The following PCMTD2 variants were observed in gnomAD, a reference collection of about 807,000 sequenced individuals.
PCMTD2 encodes the protein protein-L-isoaspartate (D-aspartate) O-methyltransferase domain containing 2, also known as protein-L-isoaspartate O-methyltransferase domain-containing protein 2.
Under a neutral mutation model 33.4 loss-of-function variants are expected in PCMTD2, and 16 were observed. The observed-to-expected ratio is 0.48, with a 90% confidence interval of 0.32 to 0.73. The LOEUF (loss-of-function observed/expected upper bound fraction) is 0.73, where lower values mean the gene tolerates loss of function less well. Ranked by LOEUF, PCMTD2 falls within the 30% of genes least tolerant of loss-of-function variation. The probability of loss-of-function intolerance (pLI) is 0.03; values close to 1 mark genes in which losing one functional copy is unlikely to be tolerated. For synonymous variants in PCMTD2, 161 were observed against 160.8 expected, an observed-to-expected ratio of 1.00 and a Z score of -0.01; for missense variants, 374 against 449.9, an observed-to-expected ratio of 0.83 and a Z score of 1.53.
At position 64,267,990 on chromosome 20, in the gene PCMTD2, A is replaced by C; in HGVS notation, c.686A>C (p.Lys229Thr). ...LIQPCHSESG[K>T]SRLVQLPPVA... Reference sequence around the variant, plus strand: ...CAGCCCTGCCATTCAGAGTCAGGAAAATCAAGACTTGTCCAGTTACGTAAG... The same window carrying C: ...CAGCCCTGCCATTCAGAGTCAGGAACATCAAGACTTGTCCAGTTACGTAAG... Residue 229 changes from lysine to threonine, a missense_variant, in exon 5 of 6, where the codon AAA becomes ACA. Transcript: ENST00000308824. 1 of 1,612,990 alleles carries C rather than the reference A, an allele frequency of 6.2e-7. No individual in the cohort carries two copies. The highest frequency in any genetic ancestry group is 8.5e-7 in the Non-Finnish European group (1 of 1,179,100).
At chr20:64,266,660 A>G (rs773751535) in intron 4 of PCMTD2, among the ~76,000 whole-genome samples, 7 of 152,246 alleles carry the variant, frequency 4.6e-5, no homozygotes, top group Non-Finnish European at 1.0e-4. Context: ...AGTTGTTGGC[A>G]TGAGCCATCA....
chr20:64,274,296 A>AG lies in PCMTD2; in HGVS notation c.*699dup, dbSNP rs1986029340. The AG allele has an allele frequency of 7.3e-6, 1 of 136,636 alleles. No homozygotes were observed. Among genetic ancestry groups the AG allele is most frequent in the African/African-American group, 2.9e-5 (1 of 33,958 alleles). 8.5% of individuals were successfully genotyped at this position (136,636 alleles called of 1,614,324 possible). A position where few individuals can be genotyped will look rare whatever the true frequency, so the allele number is the denominator to read the frequency against. ...CTGGAATTCCGAGAGAATTCCAAAGAGGGTTTTTTTTTTTTTTTTTAGGAC... is the reference window on the plus strand; with the variant it reads ...CTGGAATTCCGAGAGAATTCCAAAGAGGGGTTTTTTTTTTTTTTTTTAGGAC... On this transcript the variant is annotated 3_prime_UTR_variant, in exon 6 of 6. Coordinates refer to ENST00000308824, the MANE Select transcript of PCMTD2 (RefSeq NM_018257.3).
At position 64,274,746 on chromosome 20, in the gene PCMTD2, C is replaced by G. The variant is rs1170105479; in HGVS notation, c.*1146C>G. On this transcript the variant is annotated 3_prime_UTR_variant, in exon 6 of 6. Transcript: ENST00000308824. ...AACTCACACTGACTTGTGATATCAG[C>G]CTTCTCTGGGCCTTGTGTGTGGAGA... The G allele has an allele frequency of 6.6e-6, 1 of 152,178 alleles. No homozygotes were observed. The highest frequency in any genetic ancestry group is 6.5e-5 in the Admixed American group (1 of 15,286). The allele number at this position is 152,178 out of a possible 1,614,324, so 9.4% of individuals were successfully genotyped here.
chr20:64,273,536 A>G lies in PCMTD2; in HGVS notation c.1022A>G (p.Lys341Arg). 1.3e-6 allele frequency: 2 copies of G among 1,571,336 alleles called. No homozygotes were observed. Among genetic ancestry groups the G allele is most frequent in the East Asian group, 2.2e-5 (1 of 44,732 alleles). Residue 341 changes from lysine to arginine, a missense_variant, in exon 6 of 6, where the codon AAG becomes AGG. Coordinates refer to ENST00000308824, the MANE Select transcript of PCMTD2 (RefSeq NM_018257.3). ...PDPPVNFLRQ[K>R]VLSLPLPDPL... The stretch of plus-strand genomic sequence containing the variant: ...CCCCCAGTGAACTTCCTACGCCAGA[A>G]GGTCCTGAGCCTCCCTCTGCCAGAT...
Position 64,267,993 on chromosome 20 carries a change from C to G in PCMTD2, c.689C>G (p.Ser230Ter). 1.2e-6 allele frequency: 2 copies of G among 1,612,488 alleles called. No individual in the cohort carries two copies. Among genetic ancestry groups the G allele is most frequent in the Non-Finnish European group, 1.7e-6 (2 of 1,178,660 alleles). Residue 230 changes from serine (S) to a stop codon, truncating the protein, a stop_gained, in exon 5 of 6, where the codon TCA becomes TGA. Transcript: ENST00000308824. LOFTEE classifies it high-confidence loss of function. ...CCCTGCCATTCAGAGTCAGGAAAATCAAGACTTGTCCAGTTACGTAAGTAT... is the reference window on the plus strand; with the variant it reads ...CCCTGCCATTCAGAGTCAGGAAAATGAAGACTTGTCCAGTTACGTAAGTAT... The part of the protein sequence containing the change: ...IQPCHSESGK[S>*]RLVQLPPVAV...
chr20:64,259,222 G>C (rs895529086), intron 1 of PCMTD2, among the ~76,000 whole-genome samples: 1 of 152,114 alleles, frequency 6.6e-6, no homozygotes, highest in African/African-American at 2.4e-5. Context: ...TTCAATTTGG[G>C]AAGAGTGTTT....
intron 1 of PCMTD2, among the ~76,000 whole-genome samples, chr20:64,257,962 T>A (rs926624825): frequency 6.6e-6 from 1 of 152,218 alleles, no homozygotes; most frequent in Non-Finnish European, 1.5e-5. Context: ...AGGTGCTTGT[T>A]TTTACTAAAA....
Position 64,273,681 on chromosome 20 carries a change from C to T in PCMTD2, c.*81C>T. On this transcript the variant is annotated 3_prime_UTR_variant, in exon 6 of 6. Transcript: ENST00000308824. ...TGCTGCCTGTGTGCTGTTGAAGGGT[C>T]ACCTGGAGGCAGACGTTGTGGGGAA... The T allele has an allele frequency of 8.2e-7, 1 of 1,219,594 alleles. No homozygotes were observed. Among genetic ancestry groups the T allele is most frequent in the Non-Finnish European group, 1.1e-6 (1 of 882,798 alleles). 75.5% of individuals were successfully genotyped at this position (1,219,594 alleles called of 1,614,324 possible).
chr20:64,275,187 T>A lies in PCMTD2; in HGVS notation c.*1587T>A, dbSNP rs888600895. The A allele has an allele frequency of 6.6e-6, 1 of 152,220 alleles. No homozygotes were observed. Among genetic ancestry groups the A allele is most frequent in the African/African-American group, 2.4e-5 (1 of 41,460 alleles). The allele number at this position is 152,220 out of a possible 1,614,324, so 9.4% of individuals were successfully genotyped here. ...CAGTTTAAGTCATTTTAAAGAAAGT[T>A]AGTTCATAGTTGTTGCCTTTTAACT... On this transcript the variant is annotated 3_prime_UTR_variant, in exon 6 of 6. Transcript: ENST00000308824.
chr20:64,273,513 C>G lies in PCMTD2; in HGVS notation c.999C>G (p.Pro333=), dbSNP rs772216700. Residue 333 remains proline, a synonymous_variant, in exon 6 of 6, where the codon CCC becomes CCG. Transcript: ENST00000308824. ...EKTPPETKPD[P]PVNFLRQKVL... ...CCCCGCCGGAAACAAAGCCAGACCC[C>G]CCAGTGAACTTCCTACGCCAGAAGG... 6 of 1,597,550 alleles carry G rather than the reference C, an allele frequency of 3.8e-6. No homozygotes were observed. The African/African-American group carries it at 6.8e-5, about 18-fold the overall frequency.
In PCMTD2 at chr20:64,264,446, C is replaced by A. The variant is rs1183106482; in HGVS notation, c.325C>A (p.His109Asn). Residue 109 changes from histidine (H) to asparagine (N), a missense_variant, in exon 3 of 6, where the codon CAT becomes AAT. Coordinates refer to ENST00000308824, the MANE Select transcript of PCMTD2 (RefSeq NM_018257.3). Reference protein sequence around the residue: ...GLILGPFGVNHGVELHSDVIE... With the variant: ...GLILGPFGVNNGVELHSDVIE... ...CCTTTTAGGTCCTTTTGGTGTGAAC[C>A]ATGGGGTGGAACTTCACTCAGATGT... 6.3e-7 allele frequency: 1 copy of A among 1,589,438 alleles called. No homozygotes were observed. Among genetic ancestry groups the A allele is most frequent in the Non-Finnish European group, 8.6e-7 (1 of 1,157,724 alleles).
intron 5 of PCMTD2, 66 bp from the exon 6 acceptor site, chr20:64,273,155 G>A: frequency 7.4e-7 from 1 of 1,349,534 alleles, no homozygotes; most frequent in South Asian, 1.3e-5. Flanking sequence ...CGGGTCTTAG[G>A]TGTGTAGGCG....
chr20:64,273,775 A>G lies in PCMTD2; in HGVS notation c.*175A>G, dbSNP rs905110320. On this transcript the variant is annotated 3_prime_UTR_variant, in exon 6 of 6. Coordinates refer to ENST00000308824, the MANE Select transcript of PCMTD2 (RefSeq NM_018257.3). ...CTGATTGACCTCTAAAATTCTATTC[A>G]GTTGTATGATTTGTTTACATAGTTC... The G allele has an allele frequency of 8.1e-6, 4 of 491,174 alleles. No homozygotes were observed. Among genetic ancestry groups the G allele is most frequent in the Non-Finnish European group, 1.4e-5 (4 of 283,310 alleles). The allele number at this position is 491,174 out of a possible 1,614,324, so 30.4% of individuals were successfully genotyped here.
rs11907710 is a variant in PCMTD2, at chr20:64,257,516, T to C, written c.-25+1646T>C. 2.0e-3 allele frequency among the ~76,000 whole-genome samples: 298 copies of C among 152,356 alleles called. 2 individuals carry two copies. The highest frequency in any genetic ancestry group is 7.0e-3 in the African/African-American group (291 of 41,586). ...ATTTGACCAGATTGTAGAATCTGGGTGAAAATGATAGGATTTGGTTTGGCG... is the reference window on the plus strand; with the variant it reads ...ATTTGACCAGATTGTAGAATCTGGGCGAAAATGATAGGATTTGGTTTGGCG... On this transcript the variant is annotated intron_variant, in intron 1 of 5. Transcript: ENST00000308824.
intron 1 of PCMTD2, 145 bp from the exon 2 acceptor site, chr20:64,259,796 TG>T: frequency 1.8e-6 from 1 of 553,394 alleles, no homozygotes. Context: ...CATCTCTGGG[TG>T]GGGCAGGGGA....
intron 5 of PCMTD2, among the ~76,000 whole-genome samples, chr20:64,268,854 C>G (rs1985767208): frequency 6.6e-6 from 1 of 152,108 alleles, no homozygotes; most frequent in Admixed American, 6.5e-5. Flanking sequence ...AGTACAGGTT[C>G]TAAGAACTAG....
chr20:64,264,400 A>G (rs780338190), intron 2 of PCMTD2, 29 bp from the exon 3 acceptor site: 1 of 1,077,776 alleles, frequency 9.3e-7, no homozygotes, highest in Non-Finnish European at 1.4e-6. Context: ...CTCTGGTTCT[A>G]CATGTTTTCT....
intron 1 of PCMTD2, chr20:64,258,883 G>C (rs1450206111): frequency 6.6e-6 from 1 of 152,208 alleles, no homozygotes; most frequent in African/African-American, 2.4e-5. Flanking sequence ...GTTACATGGG[G>C]TAAGTATAAA....
At chr20:64,256,722 C>CT (rs577555002) in intron 1 of PCMTD2, 102 of 152,334 alleles carry the variant, frequency 6.7e-4, no homozygotes, top group African/African-American at 2.1e-3. Context: ...CAGGGCCTTG[C>CT]TCCCTGCGCC....
Sources: allele counts gnomAD v4.1 joint callset (sites outside exome capture counted in the v4.1 genomes callset), GRCh38; gene constraint gnomAD v4.1.1; transcripts MANE v1.5; gene names NCBI Gene and HGNC (gene_info 2026-07-23, HGNC 2026-07-21).